LARP1B: variants seen among roughly 807,000 people sequenced by gnomAD.
LARP1B encodes the protein La ribonucleoprotein 1B, also known as la-related protein 1B.
Under a neutral mutation model 114.2 loss-of-function variants are expected in LARP1B, and 76 were observed. The observed-to-expected ratio is 0.67, with a 90% CI of 0.55 to 0.81. The LOEUF (loss-of-function observed/expected upper bound fraction) is 0.81. Ranked by LOEUF, LARP1B falls within the 30% of genes least tolerant of loss-of-function variation. LARP1B has a pLI of 0.00. For missense variants in LARP1B, 1,014 were observed against 1,075.8 expected, an observed-to-expected ratio of 0.94 and a Z score of 0.80; for synonymous variants, 345 against 348.0, an observed-to-expected ratio of 0.99 and a Z score of 0.10.
intron 11 of LARP1B, among the ~76,000 whole-genome samples, chr4:128,143,867 C>T (rs1294352230): frequency 2.7e-5 from 4 of 148,680 alleles, no homozygotes; most frequent in Non-Finnish European, 5.9e-5. Flanking sequence ...GAACATTTTA[C>T]ATGGTGATGG....
chr4:128,167,787 A>G (rs896398628), intron 12 of LARP1B, among the ~76,000 whole-genome samples: 5 of 152,038 alleles, frequency 3.3e-5, no homozygotes, highest in Non-Finnish European at 7.4e-5. Context: ...GCCTCTTTGT[A>G]TTCAACCCAG....
chr4:128,110,770 T>G (rs1197210733), intron 9 of LARP1B, among the ~76,000 whole-genome samples: 4 of 151,440 alleles, frequency 2.6e-5, no homozygotes, highest in Non-Finnish European at 5.9e-5. Flanking sequence ...TTCTAAGAAT[T>G]GTACGTTTTC....
At chr4:128,165,476 A>C (rs1450802349) in intron 12 of LARP1B, among the ~76,000 whole-genome samples, 2 of 152,062 alleles carry the variant, frequency 1.3e-5, no homozygotes, top group African/African-American at 4.8e-5. Flanking sequence ...AATTCACTCT[A>C]TGCTAGTTAT....
intron 15 of LARP1B, among the ~76,000 whole-genome samples, chr4:128,189,441 A>G (rs1324317117): frequency 1.4e-5 from 2 of 145,396 alleles, no homozygotes; most frequent in Non-Finnish European, 3.0e-5. Flanking sequence ...TAGGCAATAT[A>G]TAGTTGGATC....
chr4:128,067,492 C>T (rs1763457060), intron 1 of LARP1B, among the ~76,000 whole-genome samples: 1 of 152,122 alleles, frequency 6.6e-6, no homozygotes, highest in Non-Finnish European at 1.5e-5. Flanking sequence ...TCTAAGTGAA[C>T]CAGATTCTTG....
chr4:128,129,490 A>T (rs181406202), intron 11 of LARP1B, among the ~76,000 whole-genome samples: 2 of 152,176 alleles, frequency 1.3e-5, no homozygotes, highest in Non-Finnish European at 2.9e-5. Context: ...TGTTAAATTG[A>T]GATGCATTTA....
In LARP1B at chr4:128,126,020, A is replaced by AGC. The variant is rs1446270868; in HGVS notation, c.1524+3833_1524+3834dup. Among the ~76,000 whole-genome samples, 3 of 152,206 alleles carry AGC rather than the reference A, an allele frequency of 2.0e-5. No individual in the cohort carries two copies. In the East Asian group the frequency reaches 5.8e-4, roughly 29 times the overall value. ...ACATTATATTGCAAGGAAAGTTAGC[A>AGC]GCACATAAAGTGAATAATCTAACAA... On this transcript the variant is annotated intron_variant, in intron 11 of 19. Coordinates refer to ENST00000326639, the MANE Select transcript of LARP1B (RefSeq NM_018078.4).
At position 128,098,118 on chromosome 4, in the gene LARP1B, A is replaced by T; in HGVS notation, c.669-68A>T. On this transcript the variant is annotated intron_variant, in intron 7 of 19. Coordinates refer to ENST00000326639, the MANE Select transcript of LARP1B (RefSeq NM_018078.4). The stretch of plus-strand genomic sequence containing the variant: ...TGTTAATGATTGGTTTTCACAGTTA[A>T]TGTGGGAGCAATAGAAATATTTATT... The T allele has an allele frequency of 4.8e-6, 6 of 1,247,576 alleles. No homozygotes were observed. In the South Asian group the frequency reaches 7.7e-5, roughly 16 times the overall value. The allele number at this position is 1,247,576 out of a possible 1,614,324, so 77.3% of individuals were successfully genotyped here.
intron 12 of LARP1B, among the ~76,000 whole-genome samples, chr4:128,175,977 GGTT>G (rs1745696418): frequency 6.6e-6 from 1 of 150,690 alleles, no homozygotes; most frequent in South Asian, 2.1e-4. Flanking sequence ...ACTCTTTCTG[GGTT>G]GTTACTGTTC....
chr4:128,222,460 C>A (rs1561600663), exon 8 of LARP1B: 14 of 432,420 alleles, frequency 3.2e-5, no homozygotes, highest in Middle Eastern at 3.3e-4. Context: ...CCAGTCGCCG[C>A]CCCACCCCAC....
At chr4:128,107,767 C>T in intron 9 of LARP1B, 1 of 1,507,866 alleles carries the variant, frequency 6.6e-7, no homozygotes, top group Non-Finnish European at 8.8e-7. Flanking sequence ...AATTGGGGTT[C>T]TGTTTAATTT....
chr4:128,171,406 T>A (rs1743651583), intron 12 of LARP1B, among the ~76,000 whole-genome samples: 1 of 152,194 alleles, frequency 6.6e-6, no homozygotes, highest in African/African-American at 2.4e-5. Flanking sequence ...GTGCTGGGAT[T>A]ATAGGCATGA....
chr4:128,085,567 T>C (rs1773135882), intron 5 of LARP1B, among the ~76,000 whole-genome samples: 1 of 152,098 alleles, frequency 6.6e-6, no homozygotes, highest in African/African-American at 2.4e-5. Flanking sequence ...ACAGTCTTGC[T>C]TCGTTGCCCG....
intron 12 of LARP1B, among the ~76,000 whole-genome samples, chr4:128,165,157 G>A (rs1332012454): frequency 2.0e-5 from 3 of 151,806 alleles, no homozygotes; most frequent in Non-Finnish European, 2.9e-5. Context: ...ACTCCTGAGG[G>A]TGGGGGAAAT....
chr4:128,090,053 G>C (rs1194559285), intron 5 of LARP1B, among the ~76,000 whole-genome samples: 1 of 149,326 alleles, frequency 6.7e-6, no homozygotes, highest in Admixed American at 6.7e-5. Context: ...TATTACAAGT[G>C]TGAGCCACCA....
intron 17 of LARP1B, among the ~76,000 whole-genome samples, chr4:128,201,703 G>A (rs1756001917): frequency 6.6e-6 from 1 of 152,138 alleles, no homozygotes; most frequent in Non-Finnish European, 1.5e-5. Flanking sequence ...CTTCAGAAAT[G>A]TTCATGGAAA....
At chr4:128,196,896 A>G (rs1754345893) in intron 15 of LARP1B, among the ~76,000 whole-genome samples, 1 of 152,224 alleles carries the variant, frequency 6.6e-6, no homozygotes, top group East Asian at 1.9e-4. Flanking sequence ...TTATGCTGCT[A>G]CATGGATGAG....
At chr4:128,073,590 T>TTTTG (rs1766504389) in intron 1 of LARP1B, among the ~76,000 whole-genome samples, 1 of 46,444 alleles carries the variant, frequency 2.2e-5, no homozygotes, top group Non-Finnish European at 4.4e-5. Flanking sequence ...TTTTTTTTTT[T>TTTTG]TTTTTTTTTT....
intron 11 of LARP1B, among the ~76,000 whole-genome samples, chr4:128,158,453 T>C (rs1736858329): frequency 6.6e-6 from 1 of 152,166 alleles, no homozygotes; most frequent in Non-Finnish European, 1.5e-5. Context: ...TAAATTGCAC[T>C]ACATTAAAGG....
Sources: gnomAD v4.1 joint callset for allele counts (sites outside exome capture counted in the v4.1 genomes callset) on GRCh38, gnomAD v4.1.1 for gene constraint, MANE v1.5 for transcripts, NCBI Gene and HGNC (gene_info 2026-07-23, HGNC 2026-07-21) for gene names.